The following KRTAP10-3 variants were observed in gnomAD, a reference collection of about 807,000 sequenced individuals.
KRTAP10-3 encodes keratin-associated protein 10-3.
For missense variants in KRTAP10-3, 341 were observed against 293.4 expected (o/e 1.16, Z -1.19); for synonymous variants, 151 against 126.2 (o/e 1.20, Z -1.32).
rs2053564817 is a variant in KRTAP10-3, at chr21:44,558,093, G to A, written c.623C>T (p.Ser208Phe). The change falls in exon 1 of 1, where the codon TCC (serine) becomes TTC (phenylalanine). Residue 208 changes from serine (S) to phenylalanine (F), a missense_variant. Physicochemically the swap from Ser to Phe is radical, Grantham distance 155 (BLOSUM62 -2). Transcript: ENST00000391620. ...LCRPTCSRLS[S>F]ACCGLSSGQK... The stretch of plus-strand genomic sequence containing the variant: ...GCCTGAGGAGAGGCCGCAGCACGCG[G>A]AAGAGAGGCGGGAGCACGTGGGGCG... The A allele has an allele frequency of 1.2e-6, 2 of 1,612,852 alleles. No homozygotes were observed. Among genetic ancestry groups the A allele is most frequent in the South Asian group, 2.2e-5 (2 of 90,892 alleles).
Position 44,558,110 on chromosome 21 carries a change from C to A in KRTAP10-3, c.606G>T (p.Thr202=), listed in dbSNP as rs374239737. 8.7e-6 allele frequency: 14 copies of A among 1,611,120 alleles called. No homozygotes were observed. Among genetic ancestry groups the A allele is most frequent in the Non-Finnish European group, 1.2e-5 (14 of 1,178,192 alleles). Residue 202 remains threonine (T), a synonymous_variant, in exon 1 of 1, where the codon ACG becomes ACT. Transcript: ENST00000391620. ...AGCACGCGGAAGAGAGGCGGGAGCA[C>A]GTGGGGCGGCAGAGGAGGGACACGC... ...ASCVSLLCRP[T]CSRLSSACCG...
In KRTAP10-3 at chr21:44,558,160, G is replaced by C. The variant is rs201034957; in HGVS notation, c.556C>G (p.Pro186Ala). The change falls in exon 1 of 1, where the codon CCC (proline) becomes GCC (alanine). Residue 186 changes from proline (P) to alanine (A), a missense_variant. Transcript: ENST00000391620. ...CAGGAGGCCGGGCGGCAGCAGCTGG[G>C]CTGGCAGGTGGAGGCAGGGGCACAG... ...SCCAPASTCQPSCCRPASCVS... is the reference protein window; with the variant it reads ...SCCAPASTCQASCCRPASCVS... 147 of 1,611,266 alleles carry C rather than the reference G, an allele frequency of 9.1e-5. No homozygotes were observed. Among genetic ancestry groups the C allele is most frequent in the Non-Finnish European group, 9.8e-5 (115 of 1,178,826 alleles).
chr21:44,558,224 G>A lies in KRTAP10-3; in HGVS notation c.492C>T (p.Pro164=), dbSNP rs782054799. 2.0e-5 allele frequency: 32 copies of A among 1,613,094 alleles called. No homozygotes were observed. The highest frequency in any genetic ancestry group is 6.6e-5 in the South Asian group (6 of 91,044). Residue 164 remains proline, a synonymous_variant, in exon 1 of 1, where the codon CCC becomes CCT. Coordinates refer to ENST00000391620, the MANE Select transcript of KRTAP10-3 (RefSeq NM_198696.3). ...GCACACAGCAGGTGGACCTGCACAC[G>A]GGGCGGCAGAGGAGGGACACGGAGG... ...PSSSVSLLCR[P]VCRSTCCVPI...
Position 44,558,226 on chromosome 21 carries a change from G to C in KRTAP10-3, c.490C>G (p.Pro164Ala), listed in dbSNP as rs1185161384. The C allele has an allele frequency of 1.9e-6, 3 of 1,613,276 alleles. No individual in the cohort carries two copies. The highest frequency in any genetic ancestry group is 2.5e-6 in the Non-Finnish European group (3 of 1,179,402). ...ACACAGCAGGTGGACCTGCACACGG[G>C]GCGGCAGAGGAGGGACACGGAGGAG... ...PSSSVSLLCR[P>A]VCRSTCCVPI... The change falls in exon 1 of 1, where the codon CCC becomes GCC. Residue 164 changes from proline (P) to alanine (A), a missense_variant. By Grantham distance (27) the Pro-to-Ala change is conservative (BLOSUM62 -1). Coordinates refer to ENST00000391620, the MANE Select transcript of KRTAP10-3 (RefSeq NM_198696.3).
chr21:44,558,119 G>A lies in KRTAP10-3; in HGVS notation c.597C>T (p.Cys199=). ...CRPASCVSLL[C]RPTCSRLSSA... The stretch of plus-strand genomic sequence containing the variant: ...AAGAGAGGCGGGAGCACGTGGGGCG[G>A]CAGAGGAGGGACACGCAGGAGGCCG... The change falls in exon 1 of 1, where the codon TGC becomes TGT. Residue 199 remains cysteine, a synonymous_variant. Coordinates refer to ENST00000391620, the MANE Select transcript of KRTAP10-3 (RefSeq NM_198696.3). 1 of 1,612,580 alleles carries A rather than the reference G, an allele frequency of 6.2e-7. No homozygotes were observed.
chr21:44,558,329 G>C lies in KRTAP10-3; in HGVS notation c.387C>G (p.Cys129Trp). 1.9e-6 allele frequency: 3 copies of C among 1,613,528 alleles called. No homozygotes were observed. The highest frequency in any genetic ancestry group is 2.2e-5 in the East Asian group (1 of 44,828). The change falls in exon 1 of 1, where the codon TGC becomes TGG. Residue 129 changes from cysteine (C) to tryptophan (W), a missense_variant. Physicochemically the swap from Cys to Trp is radical, Grantham distance 215. Transcript: ENST00000391620. ...CCKPICCVPV[C>W]SGASSSCCQQ... ...GGCAGCATGAAGAGGAAGCCCCAGA[G>C]CAGACGGGCACACAGCAGATGGGCT... is the stretch of plus-strand genomic sequence containing the variant.
At position 44,558,789 on chromosome 21, in the gene KRTAP10-3, G is replaced by T; in HGVS notation, c.-74C>A. On this transcript the variant is annotated 5_prime_UTR_variant, in exon 1 of 1. Coordinates refer to ENST00000391620, the MANE Select transcript of KRTAP10-3 (RefSeq NM_198696.3). The stretch of plus-strand genomic sequence containing the variant: ...TGGGAGTGAGTGAGGGAGTGAGTGA[G>T]TGATCGTGCCAGGCCTCTGAGTGGT... 2 of 1,531,522 alleles carry T rather than the reference G, an allele frequency of 1.3e-6. No homozygotes were observed. The highest frequency in any genetic ancestry group is 1.8e-6 in the Non-Finnish European group (2 of 1,133,342). 94.9% of individuals were successfully genotyped at this position (1,531,522 alleles called of 1,614,324 possible). A position where few individuals can be genotyped will look rare whatever the true frequency, so the allele number is the denominator to read the frequency against.
rs1555920352 is a variant in KRTAP10-3 at position 44,558,436 on chromosome 21, G to A, written c.280C>T (p.Pro94Ser). 6.2e-7 allele frequency: 1 copy of A among 1,613,988 alleles called. No homozygotes were observed. The highest frequency in any genetic ancestry group is 2.2e-5 in the East Asian group (1 of 44,862). Residue 94 changes from proline to serine, a missense_variant, in exon 1 of 1, where the codon CCC (proline) becomes TCC (serine). Pro to Ser is a moderately conservative substitution (Grantham distance 74). Coordinates refer to ENST00000391620, the MANE Select transcript of KRTAP10-3 (RefSeq NM_198696.3). ...GGCACGCAGCAGGCCTGCTGGCAGG[G>A]GGAGGATGTGCAGCAAGCTGGCTGG... ...SCQPACCTSS[P>S]CQQACCVPVC...
At position 44,558,163 on chromosome 21, in the gene KRTAP10-3, G is replaced by A. The variant is rs1555920212; in HGVS notation, c.553C>T (p.Gln185Ter). 3 of 1,610,716 alleles carry A rather than the reference G, an allele frequency of 1.9e-6. No individual in the cohort carries two copies. Among genetic ancestry groups the A allele is most frequent in the Non-Finnish European group, 2.5e-6 (3 of 1,178,638 alleles). The change falls in exon 1 of 1, where the codon CAG becomes TAG. Residue 185 changes from glutamine to a stop codon, truncating the protein, a stop_gained. Coordinates refer to ENST00000391620, the MANE Select transcript of KRTAP10-3 (RefSeq NM_198696.3). LOFTEE classifies it low-confidence loss of function (END_TRUNC). ...GAGGCCGGGCGGCAGCAGCTGGGCT[G>A]GCAGGTGGAGGCAGGGGCACAGCAG... ...PSCCAPASTC[Q>*]PSCCRPASCV...
rs452472 is a variant in KRTAP10-3, at chr21:44,558,709, T to C, written c.7A>G (p.Thr3Ala). 0.31 allele frequency: 496,441 copies of C among 1,597,234 alleles called. 80,002 individuals are homozygous for C. The highest frequency in any genetic ancestry group is 0.33 in the Non-Finnish European group (391,257 of 1,171,536). The change falls in exon 1 of 1, where the codon ACG becomes GCG. Residue 3 changes from threonine to alanine, a missense_variant. By Grantham distance (58) the Thr-to-Ala change is moderately conservative. Coordinates refer to ENST00000391620, the MANE Select transcript of KRTAP10-3 (RefSeq NM_198696.3). Reference protein sequence around the residue: MATSTMSVCSSAY... With the variant: MAASTMSVCSSAY... Reference sequence around the variant, plus strand: ...CTGGAGCAGACGGACATGGTAGACGTGGCCATGCTGGGGTGGGGAGGAGGT... The same window carrying C: ...CTGGAGCAGACGGACATGGTAGACGCGGCCATGCTGGGGTGGGGAGGAGGT...
rs1555920357 is a variant in KRTAP10-3 at position 44,558,446 on chromosome 21, G to A, written c.270C>T (p.Cys90=). The A allele has an allele frequency of 1.9e-6, 3 of 1,613,964 alleles. No homozygotes were observed. Among genetic ancestry groups the A allele is most frequent in the South Asian group, 1.1e-5 (1 of 91,088 alleles). Residue 90 remains cysteine, a synonymous_variant, in exon 1 of 1, where the codon TGC becomes TGT. Coordinates refer to ENST00000391620, the MANE Select transcript of KRTAP10-3 (RefSeq NM_198696.3). ...AGGCCTGCTGGCAGGGGGAGGATGT[G>A]CAGCAAGCTGGCTGGCAGCTAGACT... is the stretch of plus-strand genomic sequence containing the variant. ...CQQSSCQPAC[C]TSSPCQQACC... is the part of the protein sequence containing the mutation.
chr21:44,557,953 T>A lies in KRTAP10-3; in HGVS notation c.*97A>T. On this transcript the variant is annotated 3_prime_UTR_variant, in exon 1 of 1. Coordinates refer to ENST00000391620, the MANE Select transcript of KRTAP10-3 (RefSeq NM_198696.3). ...CATTGCTGGCTGGAGGTGCAGTGGC[T>A]ATGGGCAGAGGAGACTCAGACAGGG... 1 of 1,392,370 alleles carries A rather than the reference T, an allele frequency of 7.2e-7. No homozygotes were observed. The highest frequency in any genetic ancestry group is 2.4e-5 in the East Asian group (1 of 42,286). The allele number at this position is 1,392,370 out of a possible 1,614,324, so 86.3% of individuals were successfully genotyped here. A position where few individuals can be genotyped will look rare whatever the true frequency, so the allele number is the denominator to read the frequency against.
rs587747007 is a variant in KRTAP10-3 at position 44,558,345 on chromosome 21, C to T, written c.371G>A (p.Cys124Tyr). 136 of 1,613,436 alleles carry T rather than the reference C, an allele frequency of 8.4e-5. No homozygotes were observed. The East Asian group carries it at 2.7e-3, about 33-fold the overall frequency. ...AGCCCCAGAGCAGACGGGCACACAGCAGATGGGCTTGCAGCAGACAGGCTT... is the reference window on the plus strand; with the variant it reads ...AGCCCCAGAGCAGACGGGCACACAGTAGATGGGCTTGCAGCAGACAGGCTT... ...CCKPVCCKPI[C>Y]CVPVCSGASS... is the part of the protein sequence containing the mutation. Residue 124 changes from cysteine (C) to tyrosine (Y), a missense_variant, in exon 1 of 1, where the codon TGC becomes TAC. Coordinates refer to ENST00000391620, the MANE Select transcript of KRTAP10-3 (RefSeq NM_198696.3).
At position 44,558,458 on chromosome 21, in the gene KRTAP10-3, C is replaced by T. The variant is rs371669251; in HGVS notation, c.258G>A (p.Gln86=). Residue 86 remains glutamine (Q), a synonymous_variant, in exon 1 of 1, where the codon CAG becomes CAA. Coordinates refer to ENST00000391620, the MANE Select transcript of KRTAP10-3 (RefSeq NM_198696.3). ...TPSCCQQSSC[Q]PACCTSSPCQ... Reference sequence around the variant, plus strand: ...AGGGGGAGGATGTGCAGCAAGCTGGCTGGCAGCTAGACTGCTGGCAGCACG... The same window carrying T: ...AGGGGGAGGATGTGCAGCAAGCTGGTTGGCAGCTAGACTGCTGGCAGCACG... 2.3e-5 allele frequency: 37 copies of T among 1,613,972 alleles called. No homozygotes were observed. The African/African-American group carries it at 3.1e-4, about 13-fold the overall frequency.
In KRTAP10-3 at chr21:44,557,877, T is replaced by G; in HGVS notation, c.*173A>C. 1.3e-6 allele frequency: 1 copy of G among 754,078 alleles called. No homozygotes were observed. Among genetic ancestry groups the G allele is most frequent in the Non-Finnish European group, 2.1e-6 (1 of 469,872 alleles). The allele number at this position is 754,078 out of a possible 1,614,324, so 46.7% of individuals were successfully genotyped here. On this transcript the variant is annotated 3_prime_UTR_variant, in exon 1 of 1. Transcript: ENST00000391620. ...GACCACCGGCTGGCCAGCATGGAGA[T>G]GAGGGTGTGGGAGAGATGCATGCCT...
rs782330932 is a variant in KRTAP10-3 at position 44,558,161 on chromosome 21, C to T, written c.555G>A (p.Gln185=). The change falls in exon 1 of 1, where the codon CAG becomes CAA. Residue 185 remains glutamine, a synonymous_variant. Transcript: ENST00000391620. The part of the protein sequence containing the change: ...PSCCAPASTC[Q]PSCCRPASCV... ...AGGAGGCCGGGCGGCAGCAGCTGGG[C>T]TGGCAGGTGGAGGCAGGGGCACAGC... 2.0e-4 allele frequency: 328 copies of T among 1,609,544 alleles called. 2 individuals carry two copies. Among genetic ancestry groups the T allele is most frequent in the Middle Eastern group, 3.3e-4 (2 of 6,044 alleles).
Position 44,558,441 on chromosome 21 carries a change from G to T in KRTAP10-3, c.275C>A (p.Ser92Tyr), listed in dbSNP as rs2053579018. Residue 92 changes from serine (S) to tyrosine (Y), a missense_variant, in exon 1 of 1, where the codon TCC (serine) becomes TAC (tyrosine). Coordinates refer to ENST00000391620, the MANE Select transcript of KRTAP10-3 (RefSeq NM_198696.3). ...GCAGCAGGCCTGCTGGCAGGGGGAG[G>T]ATGTGCAGCAAGCTGGCTGGCAGCT... ...QSSCQPACCT[S>Y]SPCQQACCVP... The T allele has an allele frequency of 1.9e-6, 3 of 1,614,118 alleles. No homozygotes were observed. Among genetic ancestry groups the T allele is most frequent in the Non-Finnish European group, 1.7e-6 (2 of 1,179,972 alleles).
rs1433495611 is a variant in KRTAP10-3, at chr21:44,558,264, C to A, written c.452G>T (p.Cys151Phe). Residue 151 changes from cysteine to phenylalanine, a missense_variant, in exon 1 of 1, where the codon TGC (cysteine) becomes TTC (phenylalanine). Coordinates refer to ENST00000391620, the MANE Select transcript of KRTAP10-3 (RefSeq NM_198696.3). ...SRQPACCTTS[C>F]CRPSSSVSLL... Reference sequence around the variant, plus strand: ...GGACACGGAGGAGGAGGGTCTGCAGCAGGAGGTGGTGCAGCAAGCCGGCTG... The same window carrying A: ...GGACACGGAGGAGGAGGGTCTGCAGAAGGAGGTGGTGCAGCAAGCCGGCTG... 1 of 1,613,892 alleles carries A rather than the reference C, an allele frequency of 6.2e-7. No homozygotes were observed. The highest frequency in any genetic ancestry group is 2.2e-5 in the East Asian group (1 of 44,876).
chr21:44,558,144 G>A lies in KRTAP10-3; in HGVS notation c.572C>T (p.Pro191Leu), dbSNP rs374354141. 9.3e-6 allele frequency: 15 copies of A among 1,613,160 alleles called. No homozygotes were observed. The highest frequency in any genetic ancestry group is 5.0e-5 in the Admixed American group (3 of 59,880). Residue 191 changes from proline (P) to leucine (L), a missense_variant, in exon 1 of 1, where the codon CCG (proline) becomes CTG (leucine). Transcript: ENST00000391620. ...GCAGAGGAGGGACACGCAGGAGGCC[G>A]GGCGGCAGCAGCTGGGCTGGCAGGT... is the stretch of plus-strand genomic sequence containing the variant. ...ASTCQPSCCR[P>L]ASCVSLLCRP...
Sources: gnomAD v4.1 joint callset for allele counts on GRCh38, gnomAD v4.1.1 for gene constraint, MANE v1.5 for transcripts, NCBI Gene and HGNC (gene_info 2026-07-23, HGNC 2026-07-21) for gene names.